SAFB2: variants seen among roughly 807,000 people sequenced by gnomAD.
SAFB2 encodes the protein scaffold attachment factor B2.
Under a neutral mutation model 100.6 loss-of-function variants are expected in SAFB2, and 32 were observed. The observed-to-expected ratio is 0.32, with a 90% CI of 0.24 to 0.43. SAFB2 has a LOEUF of 0.43. SAFB2 is among the 20% of genes least tolerant of loss of function. The pLI, the probability that SAFB2 is intolerant of heterozygous loss-of-function variation, is 1.00. For missense variants in SAFB2, 1,185 were observed against 1,163.4 expected, an observed-to-expected ratio of 1.02 and a Z score of -0.27; for synonymous variants, 500 against 439.4, an observed-to-expected ratio of 1.14 and a Z score of -1.72.
chr19:5,592,944 A>G, intron 15 of SAFB2, 57 bp from the exon 16 acceptor site: 1 of 1,571,990 alleles, frequency 6.4e-7, no homozygotes, highest in Non-Finnish European at 8.7e-7. Flanking sequence ...GGAGGAGGAA[A>G]AAAGGAGGAG....
In SAFB2 at chr19:5,616,151, G is replaced by A. The variant is rs1445216909; in HGVS notation, c.524C>T (p.Ala175Val). ...YVAAQLRQLPAQPPEHAVDGE... is the reference protein window; with the variant it reads ...YVAAQLRQLPVQPPEHAVDGE... ...ACCTACAGCATGCTCTGGGGGCTGA[G>A]CCGGGAGCTGTCTCAGCTGTGCAGC... The change falls in exon 4 of 21, where the codon GCT (alanine) becomes GTT (valine). Residue 175 changes from alanine to valine, a missense_variant. This residue lies in a region of SAFB2 where 351 missense variants were observed against 341.2 expected (regional missense o/e 1.03). Coordinates refer to ENST00000252542, the MANE Select transcript of SAFB2 (RefSeq NM_014649.3). The A allele has an allele frequency of 6.2e-7, 1 of 1,614,216 alleles. No homozygotes were observed. Among genetic ancestry groups the A allele is most frequent in the East Asian group, 2.2e-5 (1 of 44,888 alleles).
In SAFB2 at chr19:5,613,593, G is replaced by A. The variant is rs987731521; in HGVS notation, c.544-66C>T. ...CTATGAAAACCAAGGCTGACACCTC[G>A]CTTAGGCAACTTGTGTGTCTATTTC... On this transcript the variant is annotated intron_variant, in intron 4 of 20. Coordinates refer to ENST00000252542, the MANE Select transcript of SAFB2 (RefSeq NM_014649.3). 177 of 1,576,042 alleles carry A rather than the reference G, an allele frequency of 1.1e-4. 3 individuals carry two copies. The Admixed American group carries it at 2.7e-3, about 24-fold the overall frequency.
At chr19:5,612,237 T>A (rs1404315524) in intron 6 of SAFB2, 1 of 457,318 alleles carries the variant, frequency 2.2e-6, no homozygotes, top group Non-Finnish European at 3.9e-6. Flanking sequence ...AAGATCTGTT[T>A]CATGTGTAGA....
intron 13 of SAFB2, among the ~76,000 whole-genome samples, chr19:5,595,871 G>A (rs186470661): frequency 6.6e-6 from 1 of 152,242 alleles, no homozygotes; most frequent in East Asian, 1.9e-4. Flanking sequence ...CATTAGTTCA[G>A]AGGGGACAGC....
intron 11 of SAFB2, among the ~76,000 whole-genome samples, chr19:5,604,153 G>A (rs2052722155): frequency 6.6e-6 from 1 of 152,236 alleles, no homozygotes; most frequent in African/African-American, 2.4e-5. Context: ...GCTCACACCT[G>A]TAATCCTAGC....
intron 16 of SAFB2, among the ~76,000 whole-genome samples, chr19:5,592,060 G>A (rs573380014): frequency 6.6e-6 from 1 of 152,312 alleles, no homozygotes; most frequent in East Asian, 1.9e-4. Flanking sequence ...GGGACAAACA[G>A]AGGCCTCCAA....
chr19:5,614,029 T>C (rs1323828872), intron 4 of SAFB2, among the ~76,000 whole-genome samples: 4 of 152,246 alleles, frequency 2.6e-5, no homozygotes, highest in East Asian at 3.9e-4. Context: ...TCTCGGCTCA[T>C]TGCAACCTCC....
intron 11 of SAFB2, 37 bp downstream of exon 11, chr19:5,604,546 C>T (rs2052731885): frequency 6.5e-7 from 1 of 1,541,410 alleles, no homozygotes; most frequent in African/African-American, 1.4e-5. Context: ...GCCCTCCTCC[C>T]AGGGATTCCA....
At chr19:5,592,975 T>C in intron 15 of SAFB2, 88 bp from the exon 16 acceptor site, 2 of 1,224,798 alleles carry the variant, frequency 1.6e-6, no homozygotes, top group Admixed American at 3.8e-5. Context: ...GGAGGGGAGC[T>C]CTCTCCCCAG....
chr19:5,592,326 A>C (rs1462321497), intron 16 of SAFB2, among the ~76,000 whole-genome samples: 2 of 152,166 alleles, frequency 1.3e-5, no homozygotes, highest in African/African-American at 4.8e-5. Flanking sequence ...TGTATTCCTC[A>C]TTTTAAAAGG....
At position 5,587,966 on chromosome 19, in the gene SAFB2, C is replaced by G. The variant is rs2052299386; in HGVS notation, c.2540G>C (p.Trp847Ser). The G allele has an allele frequency of 2.5e-6, 4 of 1,612,198 alleles. No individual in the cohort carries two copies. The highest frequency in any genetic ancestry group is 2.5e-6 in the Non-Finnish European group (3 of 1,179,502). The part of the protein sequence containing the change: ...LPPPPRGGRD[W>S]GEHNQRLEEH... ...CTCTAGCCGCTGGTTGTGCTCTCCC[C>G]AGTCACGGCCACCCCTTTGCCAAAA... The change falls in exon 19 of 21, where the codon TGG (tryptophan) becomes TCG (serine). Residue 847 changes from tryptophan (W) to serine (S), a missense_variant. This residue lies in a region of SAFB2 where 740 missense variants were observed against 687.1 expected (regional missense o/e 1.08). Transcript: ENST00000252542. This position sits in a 1 kb window ranked among gnomAD's most constrained non-coding sequence, Gnocchi z 4.9.
chr19:5,601,242 C>T (rs996712853), intron 11 of SAFB2, among the ~76,000 whole-genome samples: 1 of 152,208 alleles, frequency 6.6e-6, no homozygotes, highest in African/African-American at 2.4e-5. Flanking sequence ...TAAATCATCT[C>T]ATCTCCTCTC....
In SAFB2 at chr19:5,588,390, C is replaced by G. The variant is rs759584843; in HGVS notation, c.2526-410G>C. Among the ~76,000 whole-genome samples the G allele has an allele frequency of 3.4e-4, 52 of 152,196 alleles. 1 individual carries two copies. The highest frequency in any genetic ancestry group is 1.3e-4 in the Non-Finnish European group (9 of 68,046). On this transcript the variant is annotated intron_variant, in intron 18 of 20. Transcript: ENST00000252542. ...CGCAGAATTACCATGACCCAGCAAA[C>G]CCATTCCTACCTGCCAGAAATGAAA...
intron 9 of SAFB2, 28 bp from the exon 10 acceptor site, chr19:5,604,964 C>T (rs1473983735): frequency 3.1e-6 from 5 of 1,604,754 alleles, no homozygotes; most frequent in Non-Finnish European, 4.3e-6. Context: ...CTCTTACTCT[C>T]TCATACAAAT....
At chr19:5,613,733 G>A in intron 4 of SAFB2, 1 of 985,446 alleles carries the variant, frequency 1.0e-6, no homozygotes, top group African/African-American at 1.7e-5. Flanking sequence ...CTCTGGCAGT[G>A]GCCTGCAGGT....
Position 5,616,178 on chromosome 19 carries a change from A to G in SAFB2, c.497T>C (p.Val166Ala). ...CGGGAGCTGTCTCAGCTGTGCAGCCACGTATTCTTTACTATCACAAAAGGA... is the reference window on the plus strand; with the variant it reads ...CGGGAGCTGTCTCAGCTGTGCAGCCGCGTATTCTTTACTATCACAAAAGGA... The part of the protein sequence containing the change: ...LDSFCDSKEY[V>A]AAQLRQLPAQ... Residue 166 changes from valine (V) to alanine (A), a missense_variant, in exon 4 of 21, where the codon GTG becomes GCG. Around this residue, in one of 3 missense-constraint regions of SAFB2, gnomAD observed 351 missense variants for 341.2 expected, o/e 1.03. Coordinates refer to ENST00000252542, the MANE Select transcript of SAFB2 (RefSeq NM_014649.3). The G allele has an allele frequency of 6.2e-7, 1 of 1,614,192 alleles. No homozygotes were observed. The highest frequency in any genetic ancestry group is 1.6e-4 in the Middle Eastern group (1 of 6,062).
At chr19:5,591,828 A>G in intron 16 of SAFB2, 35 bp from the exon 17 acceptor site, 4 of 1,611,346 alleles carry the variant, frequency 2.5e-6, no homozygotes, top group Middle Eastern at 3.3e-4. Flanking sequence ...AAACAGCACC[A>G]GGCACGACTA....
At chr19:5,599,005 C>G in intron 12 of SAFB2, 121 bp from the exon 13 acceptor site, 1 of 819,742 alleles carries the variant, frequency 1.2e-6, no homozygotes, top group Non-Finnish European at 2.0e-6. Flanking sequence ...GTGACTGACA[C>G]TAGCCTTGGG....
intron 2 of SAFB2, among the ~76,000 whole-genome samples, chr19:5,619,934 A>G (rs1215366396): frequency 1.3e-5 from 2 of 152,206 alleles, no homozygotes; most frequent in Non-Finnish European, 2.9e-5. Flanking sequence ...TTTTAAAATG[A>G]GCACCTACAT....
Sources: gnomAD v4.1 joint callset for allele counts (sites outside exome capture counted in the v4.1 genomes callset) on GRCh38, gnomAD v4.1.1 for gene constraint, gnomAD v4.1.1 regional missense constraint, Gnocchi (gnomAD v3.1) non-coding constraint, MANE v1.5 for transcripts, NCBI Gene and HGNC (gene_info 2026-07-23, HGNC 2026-07-21) for gene names.